The following PHYH variants were observed in gnomAD, a reference collection of about 807,000 sequenced individuals.
The protein encoded by PHYH is phytanoyl-CoA 2-hydroxylase, also known as phytanoyl-CoA dioxygenase, peroxisomal.
PHYH carries 32 observed loss-of-function variants against 38.5 expected under a neutral mutation model. The observed-to-expected ratio is 0.83, with a 90% CI of 0.63 to 1.12. PHYH has a LOEUF of 1.12. PHYH is among the 50% of genes most tolerant of loss of function. PHYH has a pLI of 0.00. For synonymous variants in PHYH, 166 were observed against 157.9 expected (o/e 1.05, Z -0.38); for missense variants, 426 against 434.8 (o/e 0.98, Z 0.18).
At chr10:13,288,181 T>G (rs1835602067) in intron 6 of PHYH, among the ~76,000 whole-genome samples, 179 bp downstream of exon 6, 1 of 152,082 alleles carries the variant, frequency 6.6e-6, no homozygotes, top group Non-Finnish European at 1.5e-5. Flanking sequence ...TGAAAATAGG[T>G]GTGATGAATG....
At chr10:13,293,017 C>T (rs1835752019) in intron 4 of PHYH, among the ~76,000 whole-genome samples, 1 of 151,552 alleles carries the variant, frequency 6.6e-6, no homozygotes, top group South Asian at 2.1e-4. Context: ...AAAAAGACTC[C>T]AAAAAATAAG....
chr10:13,281,039 G>A lies in PHYH; in HGVS notation c.900C>T (p.Ile300=), dbSNP rs757065674. ...GTGCTATTCCTACAACTTCCTTCTC[G>A]ATGTTTTCTTGACTGGTGCCCTTCA... is the stretch of plus-strand genomic sequence containing the variant. ...IDVKGTSQEN[I]EKEVVGIAHK... The change falls in exon 8 of 9, where the codon ATC becomes ATT. Residue 300 remains isoleucine (I), a synonymous_variant. Coordinates refer to ENST00000263038, the MANE Select transcript of PHYH (RefSeq NM_006214.4). 8.1e-6 allele frequency: 13 copies of A among 1,613,824 alleles called. No individual in the cohort carries two copies. The highest frequency in any genetic ancestry group is 2.7e-5 in the African/African-American group (2 of 74,902).
intron 5 of PHYH, 45 bp downstream of exon 5, chr10:13,291,786 C>G: frequency 7.5e-7 from 1 of 1,331,224 alleles, no homozygotes; most frequent in Non-Finnish European, 1.1e-6. Context: ...GCCAACCTTA[C>G]ACATTTTAAT....
chr10:13,295,461 A>G, intron 3 of PHYH, 35 bp downstream of exon 3: 1 of 997,104 alleles, frequency 1.0e-6, no homozygotes, highest in Non-Finnish European at 1.6e-6. Context: ...CACACAATAC[A>G]TACTATTGTA....
Position 13,300,022 on chromosome 10 carries a change from G to C in PHYH, c.21C>G (p.Ala7=), listed in dbSNP as rs1832707724. Residue 7 remains alanine (A), a synonymous_variant, in exon 1 of 9, where the codon GCC becomes GCG. Coordinates refer to ENST00000263038, the MANE Select transcript of PHYH (RefSeq NM_006214.4). ...GGCCCAGAACAATCTGCAGACGGGC[G>C]GCGGCGCGAAGCTGCTCCATGGCTG... MEQLRA[A]ARLQIVLGHL... is the part of the protein sequence containing the mutation. 1 of 1,532,378 alleles carries C rather than the reference G, an allele frequency of 6.5e-7. No homozygotes were observed. Among genetic ancestry groups the C allele is most frequent in the Non-Finnish European group, 8.7e-7 (1 of 1,144,502 alleles). 94.9% of individuals were successfully genotyped at this position (1,532,378 alleles called of 1,614,324 possible). A position where few individuals can be genotyped will look rare whatever the true frequency, so the allele number is the denominator to read the frequency against.
chr10:13,299,811 G>T, intron 1 of PHYH, 157 bp downstream of exon 1: 1 of 1,315,470 alleles, frequency 7.6e-7, no homozygotes, highest in Non-Finnish European at 9.7e-7. Context: ...CCGGCTCCTG[G>T]AAGAGACGCG....
chr10:13,293,972 G>C (rs1835774995), intron 4 of PHYH, among the ~76,000 whole-genome samples: 1 of 152,070 alleles, frequency 6.6e-6, no homozygotes, highest in African/African-American at 2.4e-5. Flanking sequence ...GGGAGGCCGA[G>C]GTGGGTGGAT....
chr10:13,299,567 C>T lies in PHYH; in HGVS notation c.75+401G>A, dbSNP rs550436902. On this transcript the variant is annotated intron_variant, in intron 1 of 8. Coordinates refer to ENST00000263038, the MANE Select transcript of PHYH (RefSeq NM_006214.4). ...CCCTCCGGAGAGGTCCCGGTCACTG[C>T]CTGCCTGGGCCGGTTCCAGGCAGCC... 8 of 1,020,570 alleles carry T rather than the reference C, an allele frequency of 7.8e-6. No individual in the cohort carries two copies. The South Asian group carries it at 3.0e-4, about 38-fold the overall frequency. 63.2% of individuals were successfully genotyped at this position (1,020,570 alleles called of 1,614,324 possible).
intron 8 of PHYH, among the ~76,000 whole-genome samples, chr10:13,279,357 T>G (rs1297844567): frequency 6.6e-6 from 1 of 152,186 alleles, no homozygotes; most frequent in Non-Finnish European, 1.5e-5. Flanking sequence ...GATGAGATGA[T>G]AATAGTGAAC....
intron 6 of PHYH, 91 bp from the exon 7 acceptor site, chr10:13,283,930 G>A: frequency 1.8e-6 from 2 of 1,094,400 alleles, no homozygotes; most frequent in Non-Finnish European, 2.8e-6. Context: ...AAACATCAGG[G>A]AAAGAAAGCA....
At chr10:13,294,176 T>TG (rs1356069085) in intron 4 of PHYH, among the ~76,000 whole-genome samples, 1 of 152,146 alleles carries the variant, frequency 6.6e-6, no homozygotes, top group African/African-American at 2.4e-5. Context: ...CACTCCAGCG[T>TG]GGGCAACAGA....
rs745983440 is a variant in PHYH, at chr10:13,294,504, G to A, written c.338C>T (p.Pro113Leu). The A allele has an allele frequency of 1.5e-5, 25 of 1,613,934 alleles. No individual in the cohort carries two copies. In the East Asian group the frequency reaches 5.3e-4, roughly 35 times the overall value. ...GACCTTCGTGATCATCTTCTCACTTGGAGCATATTCGGATTTCGAAATGGT... is the reference window on the plus strand; with the variant it reads ...GACCTTCGTGATCATCTTCTCACTTAGAGCATATTCGGATTTCGAAATGGT... ...DVTISKSEYAPSEKMITKVQD... is the reference protein window; with the variant it reads ...DVTISKSEYALSEKMITKVQD... The change falls in exon 4 of 9, where the codon CCA (proline) becomes CTA (leucine). Residue 113 changes from proline (P) to leucine (L), a missense_variant. Pro to Leu is a moderately conservative substitution (Grantham distance 98). Transcript: ENST00000263038.
Position 13,298,375 on chromosome 10 carries a change from T to G in PHYH, c.76-130A>C, listed in dbSNP as rs10906342. 276,321 of 625,484 alleles carry G rather than the reference T, an allele frequency of 0.44. 65,635 individuals carry two copies. Among genetic ancestry groups the G allele is most frequent in the East Asian group, 0.68 (21,173 of 31,074 alleles). 38.7% of individuals were successfully genotyped at this position (625,484 alleles called of 1,614,324 possible). The stretch of plus-strand genomic sequence containing the variant: ...TGAGCTCAGGAGTTCGAGACCAGCC[T>G]GGCCAACATGGTGAAACCCCATCTC... On this transcript the variant is annotated intron_variant, in intron 1 of 8. Transcript: ENST00000263038.
Position 13,296,735 on chromosome 10 carries a change from G to A in PHYH, c.135-1129C>T, listed in dbSNP as rs771713983. ...CTAGCTTTGGGAGGCTGAGGTGGGC[G>A]GATCACGAGGTCAGATCGGGACCAT... is the stretch of plus-strand genomic sequence containing the variant. On this transcript the variant is annotated intron_variant, in intron 2 of 8. Coordinates refer to ENST00000263038, the MANE Select transcript of PHYH (RefSeq NM_006214.4). Among the ~76,000 whole-genome samples the A allele has an allele frequency of 1.3e-4, 18 of 139,760 alleles. No individual in the cohort carries two copies. The South Asian group carries it at 2.8e-3, about 22-fold the overall frequency. 91.7% of individuals were successfully genotyped at this position (139,760 alleles called of 152,430 possible). A position where few individuals can be genotyped will look rare whatever the true frequency, so the allele number is the denominator to read the frequency against.
At chr10:13,299,648 C>A in intron 1 of PHYH, 1 of 1,170,688 alleles carries the variant, frequency 8.5e-7, no homozygotes, top group Non-Finnish European at 1.1e-6. Context: ...CTCTGGACAG[C>A]TGCCGGGGTC....
chr10:13,285,431 G>A (rs926406354), intron 6 of PHYH, among the ~76,000 whole-genome samples: 1 of 151,620 alleles, frequency 6.6e-6, no homozygotes, highest in African/African-American at 2.4e-5. Context: ...TGATCCACCC[G>A]CCACGGCCTC....
intron 4 of PHYH, among the ~76,000 whole-genome samples, chr10:13,293,852 A>C (rs1432062702): frequency 6.6e-6 from 1 of 152,102 alleles, no homozygotes; most frequent in African/African-American, 2.4e-5. Context: ...TATTAAAATA[A>C]TTTATACCTC....
intron 6 of PHYH, among the ~76,000 whole-genome samples, chr10:13,284,347 G>C (rs1409956693): frequency 1.3e-5 from 2 of 152,046 alleles, no homozygotes; most frequent in Non-Finnish European, 2.9e-5. Flanking sequence ...TAAAAAAAAA[G>C]AAGTCACATG....
intron 7 of PHYH, among the ~76,000 whole-genome samples, chr10:13,282,609 A>G (rs1201881853): frequency 1.4e-5 from 1 of 70,304 alleles, no homozygotes; most frequent in African/African-American, 5.9e-5. Flanking sequence ...AAAAAAAAAG[A>G]AAAAAGGAAA....
Sources: allele counts gnomAD v4.1 joint callset (sites outside exome capture counted in the v4.1 genomes callset), GRCh38; gene constraint gnomAD v4.1.1; transcripts MANE v1.5; gene names NCBI Gene and HGNC (gene_info 2026-07-23, HGNC 2026-07-21).